Variants in PBRM1 observed in about 807,000 individuals in gnomAD.
PBRM1 encodes the protein protein polybromo-1.
In PBRM1, 27 loss-of-function variants were observed where a neutral mutation model predicts 194.5. That is an observed-to-expected ratio of 0.14 (90% confidence interval 0.10 to 0.19). The LOEUF (loss-of-function observed/expected upper bound fraction) is 0.19. Ranked by LOEUF, PBRM1 falls within the 10% of genes least tolerant of loss-of-function variation. The pLI is 1.00. For synonymous variants in PBRM1, 655 were observed against 693.2 expected, an observed-to-expected ratio of 0.94 and a Z score of 0.87; for missense variants, 1,466 against 2,077.2, an observed-to-expected ratio of 0.71 and a Z score of 5.72.
intron 3 of PBRM1, among the ~76,000 whole-genome samples, chr3:52,668,105 G>C (rs1204860671): frequency 6.6e-6 from 1 of 152,110 alleles, no homozygotes; most frequent in Non-Finnish European, 1.5e-5. Context: ...AGACCAGCCT[G>C]GGCAACATGG....
chr3:52,598,075 T>C (rs2093704329), intron 17 of PBRM1, among the ~76,000 whole-genome samples: 1 of 152,244 alleles, frequency 6.6e-6, no homozygotes, highest in Non-Finnish European at 1.5e-5. Flanking sequence ...TGTATTCTAA[T>C]ATTTCTCTGA....
rs193086625 is a variant in PBRM1 at position 52,641,437 on chromosome 3, A to T, written c.1087+517T>A. On this transcript the variant is annotated intron_variant, in intron 10 of 29. Transcript: ENST00000296302. ...ACTCCAGCCTGGGCAACAGAGCGAG[A>T]CTCCATCTCAAAAAAAAAAAAAAAA... Among the ~76,000 whole-genome samples the T allele has an allele frequency of 4.5e-3, 568 of 126,574 alleles. 1 individual carries two copies. The highest frequency in any genetic ancestry group is 0.016 in the African/African-American group (531 of 33,982). 83.0% of individuals were successfully genotyped at this position (126,574 alleles called of 152,430 possible).
intron 22 of PBRM1, among the ~76,000 whole-genome samples, chr3:52,570,017 G>C (rs1269644182): frequency 6.6e-6 from 1 of 152,070 alleles, no homozygotes; most frequent in Non-Finnish European, 1.5e-5. Context: ...CTGTCGCTAG[G>C]CTGCAGTGTA....
At chr3:52,602,651 A>G (rs190472191) in intron 17 of PBRM1, among the ~76,000 whole-genome samples, 1 of 152,308 alleles carries the variant, frequency 6.6e-6, no homozygotes, top group Admixed American at 6.5e-5. Context: ...TTTAGCTGGC[A>G]AAGTCATAGA....
chr3:52,591,850 G>A (rs1210014624), intron 17 of PBRM1, among the ~76,000 whole-genome samples: 1 of 108,590 alleles, frequency 9.2e-6, no homozygotes, highest in Non-Finnish European at 1.8e-5. Context: ...ACATAGTCTT[G>A]CTCTGATGCT....
At chr3:52,546,000 C>T (rs2079633426), downstream of PBRM1, 1 of 232,926 alleles carries the variant, frequency 4.3e-6, no homozygotes, top group Non-Finnish European at 8.5e-6. Flanking sequence ...TCTAGTGATG[C>T]CCTGGGCCGG....
chr3:52,614,595 G>A (rs2094849718), intron 15 of PBRM1, among the ~76,000 whole-genome samples: 1 of 144,474 alleles, frequency 6.9e-6, no homozygotes, highest in South Asian at 2.2e-4. Context: ...TTCCGAGGCA[G>A]AGTCTCACTC....
At chr3:52,548,017 T>C (rs1428746412) in exon 30 of PBRM1, 1 of 1,535,322 alleles carries the variant, frequency 6.5e-7, no homozygotes, top group African/African-American at 1.4e-5. Context: ...TGGCTACTGA[T>C]CCACAACTCT....
chr3:52,637,335 A>T (rs1159676753), intron 10 of PBRM1, among the ~76,000 whole-genome samples: 5 of 152,100 alleles, frequency 3.3e-5, no homozygotes, highest in Non-Finnish European at 7.4e-5. Context: ...TCTCCATTAA[A>T]AATGGAGATA....
chr3:52,590,930 TG>T (rs2092965401), intron 17 of PBRM1, among the ~76,000 whole-genome samples: 1 of 152,268 alleles, frequency 6.6e-6, no homozygotes, highest in East Asian at 1.9e-4. Context: ...CTGTCATCTC[TG>T]ATTTCTTTGG....
At chr3:52,558,552 C>T in intron 25 of PBRM1, 139 bp from the exon 28 acceptor site, 1 of 680,306 alleles carries the variant, frequency 1.5e-6, no homozygotes, top group Non-Finnish European at 2.3e-6. Flanking sequence ...CTAGTCTCAA[C>T]ACAGGAGGAG....
chr3:52,669,683 A>G (rs2096909419), intron 2 of PBRM1, among the ~76,000 whole-genome samples: 1 of 152,188 alleles, frequency 6.6e-6, no homozygotes, highest in African/African-American at 2.4e-5. Context: ...TACGTATAAT[A>G]TATTTAAATT....
chr3:52,651,711 C>A, intron 6 of PBRM1, 31 bp downstream of exon 7: 3 of 1,371,814 alleles, frequency 2.2e-6, no homozygotes, highest in Non-Finnish European at 3.1e-6. Flanking sequence ...TGCTCTAAAC[C>A]ACAATCATTT....
At chr3:52,562,043 C>G in intron 24 of PBRM1, 75 bp from the exon 27 acceptor site, 1 of 1,198,372 alleles carries the variant, frequency 8.3e-7, no homozygotes, top group Non-Finnish European at 1.2e-6. Flanking sequence ...AGAAGCCAGC[C>G]GGGCGCGGTG....
upstream of PBRM1, among the ~76,000 whole-genome samples, chr3:52,684,190 A>T (rs1277702189): frequency 1.3e-5 from 2 of 150,388 alleles, no homozygotes; most frequent in Admixed American, 6.6e-5. Context: ...AAAAAAAAAA[A>T]AAAAATGCCT....
rs192119667 is a variant in PBRM1 at position 52,599,056 on chromosome 3, G to A, written c.2779+4465C>T. Among the ~76,000 whole-genome samples the A allele has an allele frequency of 4.0e-3, 604 of 150,882 alleles. 3 individuals are homozygous for A. Among genetic ancestry groups the A allele is most frequent in the South Asian group, 0.022 (106 of 4,770 alleles). ...AAAAAAAAAAAAATTAGGCAGGTGT[G>A]GCACATGCCTCTAGTCTCAACTACT... On this transcript the variant is annotated intron_variant, in intron 17 of 29. Coordinates refer to ENST00000296302, the Ensembl canonical transcript of PBRM1.
intron 2 of PBRM1, among the ~76,000 whole-genome samples, chr3:52,677,015 T>A (rs534954767): frequency 6.6e-6 from 1 of 152,336 alleles, no homozygotes; most frequent in Admixed American, 6.5e-5. Context: ...AGTTGGGTAC[T>A]GTTTAAGGCA....
chr3:52,680,127 C>T (rs575418149), upstream of PBRM1, among the ~76,000 whole-genome samples: 9 of 152,176 alleles, frequency 5.9e-5, no homozygotes, highest in East Asian at 1.7e-3. Flanking sequence ...AGGTATCCAC[C>T]TCTGGAGTCA....
chr3:52,673,508 A>G (rs2097002097), intron 2 of PBRM1, among the ~76,000 whole-genome samples: 1 of 150,156 alleles, frequency 6.7e-6, no homozygotes, highest in Admixed American at 6.6e-5. Flanking sequence ...GTCTCTACTA[A>G]AAGTACAAAA....
Sources: allele counts gnomAD v4.1 joint callset (sites outside exome capture counted in the v4.1 genomes callset), GRCh38; gene constraint gnomAD v4.1.1; transcripts MANE v1.5; gene names NCBI Gene and HGNC (gene_info 2026-07-23, HGNC 2026-07-21).